Variants in TBC1D22B observed in about 807,000 individuals in gnomAD.
TBC1D22B encodes TBC1 domain family member 22B.
TBC1D22B carries 32 observed loss-of-function variants against 69.1 expected under a neutral mutation model. That is an observed-to-expected ratio of 0.46 (90% confidence interval 0.35 to 0.62). The LOEUF is 0.62. Ranked by LOEUF, TBC1D22B falls within the 20% of genes least tolerant of loss-of-function variation. The pLI is 0.00. For missense variants in TBC1D22B, 462 were observed against 630.9 expected, an observed-to-expected ratio of 0.73 and a Z score of 2.87; for synonymous variants, 206 against 229.8, an observed-to-expected ratio of 0.90 and a Z score of 0.94.
intron 1 of TBC1D22B, chr6:37,258,219 G>A (rs1272056091): frequency 1.5e-5 from 8 of 543,388 alleles, no homozygotes; most frequent in Non-Finnish European, 2.3e-5. Flanking sequence ...TCAGCGGGAA[G>A]GTGGCCGAAG....
chr6:37,316,776 G>C lies in TBC1D22B; in HGVS notation c.1239G>C (p.Leu413=). The C allele has an allele frequency of 3.1e-6, 5 of 1,614,240 alleles. No homozygotes were observed. The highest frequency in any genetic ancestry group is 4.2e-6 in the Non-Finnish European group (5 of 1,180,048). ...TTGCCTTCCGCTGGATGAACAACCT[G>C]CTTATGCGGGAGCTTCCTCTTCGCT... ...LQFAFRWMNN[L]LMRELPLRCT... Residue 413 remains leucine (L), a synonymous_variant, in exon 11 of 13, where the codon CTG becomes CTC. Transcript: ENST00000373491.
At chr6:37,268,870 C>T (rs933760790) in intron 1 of TBC1D22B, among the ~76,000 whole-genome samples, 2 of 152,168 alleles carry the variant, frequency 1.3e-5, no homozygotes. Context: ...TGAAGCCCTA[C>T]TTCACATATA....
At chr6:37,321,899 T>C (rs933988697) in intron 12 of TBC1D22B, among the ~76,000 whole-genome samples, 1 of 152,184 alleles carries the variant, frequency 6.6e-6, no homozygotes, top group Non-Finnish European at 1.5e-5. Context: ...TAATTGGGTG[T>C]GTACTTATGT....
rs551464062 is a variant in TBC1D22B at position 37,296,760 on chromosome 6, T to G, written c.982+5403T>G. Among the ~76,000 whole-genome samples the G allele has an allele frequency of 7.2e-5, 11 of 152,174 alleles. No homozygotes were observed. In the South Asian group the frequency reaches 2.1e-3, roughly 29 times the overall value. ...TTTATGCATAAATTTTTTATATGTATCTCTGAAAAGTATATATGTATACAC... is the reference window on the plus strand; with the variant it reads ...TTTATGCATAAATTTTTTATATGTAGCTCTGAAAAGTATATATGTATACAC... On this transcript the variant is annotated intron_variant, in intron 8 of 12. Coordinates refer to ENST00000373491, the MANE Select transcript of TBC1D22B (RefSeq NM_017772.4).
At chr6:37,305,523 C>CTT (rs35314504) in intron 8 of TBC1D22B, among the ~76,000 whole-genome samples, 10,074 of 145,402 alleles carry the variant, frequency 0.069, 619 homozygotes, top group African/African-American at 0.16. Flanking sequence ...TGCCTATTTC[C>CTT]TTTTTTTTTT....
chr6:37,306,035 C>G lies in TBC1D22B; in HGVS notation c.983-6883C>G, dbSNP rs766594241. On this transcript the variant is annotated intron_variant, in intron 8 of 12. Transcript: ENST00000373491. ...CAGCTGAGAAATATTGAGGCTCTTG[C>G]CAGCAGTGTGTGGAGATAGCCCAGT... Among the ~76,000 whole-genome samples the G allele has an allele frequency of 1.2e-4, 18 of 152,156 alleles. 1 individual carries two copies. Among genetic ancestry groups the G allele is most frequent in the South Asian group, 2.1e-4 (1 of 4,826 alleles).
intron 7 of TBC1D22B, among the ~76,000 whole-genome samples, chr6:37,290,525 G>T (rs1767143442): frequency 6.6e-6 from 1 of 152,202 alleles, no homozygotes; most frequent in Admixed American, 6.5e-5. Context: ...TTTGTCCCCA[G>T]TGTAGGCCTC....
intron 8 of TBC1D22B, among the ~76,000 whole-genome samples, chr6:37,293,890 T>G (rs1047841375): frequency 1.3e-5 from 2 of 152,194 alleles, no homozygotes; most frequent in African/African-American, 2.4e-5. Context: ...CAACATTCCC[T>G]TAATCCAGAG....
At chr6:37,258,972 C>CGA (rs1193648468) in intron 1 of TBC1D22B, among the ~76,000 whole-genome samples, 1 of 141,822 alleles carries the variant, frequency 7.1e-6, no homozygotes, top group Admixed American at 7.1e-5. Context: ...TTTTTTTAAG[C>CGA]GAGAGAGAGA....
chr6:37,265,537 T>A (rs1766243320), intron 1 of TBC1D22B, among the ~76,000 whole-genome samples: 1 of 152,072 alleles, frequency 6.6e-6, no homozygotes, highest in Non-Finnish European at 1.5e-5. Flanking sequence ...TTTGGGTTTT[T>A]TTTTTTTTCC....
At chr6:37,314,013 G>A in intron 10 of TBC1D22B, 122 bp downstream of exon 10, 2 of 872,242 alleles carry the variant, frequency 2.3e-6, no homozygotes, top group Non-Finnish European at 1.9e-6. Context: ...AGCGCACTGA[G>A]TGCTGCTGGC....
chr6:37,278,447 A>ATTT (rs1766729400), intron 2 of TBC1D22B, among the ~76,000 whole-genome samples: 1 of 152,216 alleles, frequency 6.6e-6, no homozygotes, highest in Admixed American at 6.5e-5. Context: ...AAGTGATAGC[A>ATTT]GATCAACTGT....
chr6:37,265,989 A>G (rs1049263085), intron 1 of TBC1D22B, among the ~76,000 whole-genome samples: 11 of 152,186 alleles, frequency 7.2e-5, no homozygotes, highest in Non-Finnish European at 1.5e-4. Flanking sequence ...GAGGAAGAAA[A>G]TCAACATTTC....
chr6:37,318,037 A>G (rs1180959222), intron 12 of TBC1D22B, among the ~76,000 whole-genome samples: 2 of 152,090 alleles, frequency 1.3e-5, no homozygotes, highest in Non-Finnish European at 2.9e-5. Context: ...TGGAAGAGGA[A>G]CTCTAAGAGC....
chr6:37,307,448 C>T (rs1429496939), intron 8 of TBC1D22B, among the ~76,000 whole-genome samples: 4 of 151,572 alleles, frequency 2.6e-5, no homozygotes, highest in South Asian at 2.1e-4. Flanking sequence ...TTCTGCCTCC[C>T]GGGTTCAAGC....
chr6:37,319,875 G>C (rs1461945296), intron 12 of TBC1D22B, among the ~76,000 whole-genome samples: 3 of 152,222 alleles, frequency 2.0e-5, no homozygotes, highest in African/African-American at 7.2e-5. Context: ...GTTGTGAACT[G>C]TTGGGTGTGA....
chr6:37,277,691 C>T (rs1442272232), intron 2 of TBC1D22B, among the ~76,000 whole-genome samples: 1 of 152,040 alleles, frequency 6.6e-6, no homozygotes, highest in Non-Finnish European at 1.5e-5. Context: ...TGATCTCAAA[C>T]TCCTGACCTC....
chr6:37,320,290 C>G (rs926608642), intron 12 of TBC1D22B, among the ~76,000 whole-genome samples: 9 of 152,186 alleles, frequency 5.9e-5, no homozygotes, highest in Non-Finnish European at 2.9e-5. Flanking sequence ...CCAGCTCTCA[C>G]ACTTTCCTAA....
At chr6:37,289,175 A>G (rs961887874) in intron 7 of TBC1D22B, among the ~76,000 whole-genome samples, 9 of 152,210 alleles carry the variant, frequency 5.9e-5, no homozygotes, top group African/African-American at 2.2e-4. Context: ...TGGAATTACA[A>G]GGCGTGAGCC....
Sources: gnomAD v4.1 joint callset for allele counts (sites outside exome capture counted in the v4.1 genomes callset) on GRCh38, gnomAD v4.1.1 for gene constraint, MANE v1.5 for transcripts, NCBI Gene and HGNC (gene_info 2026-07-23, HGNC 2026-07-21) for gene names.